Variants in GSTA1 observed in about 807,000 individuals in gnomAD.
The protein encoded by GSTA1 is glutathione S-transferase alpha 1.
In GSTA1, 23 loss-of-function variants were observed where a neutral mutation model predicts 21.5. The observed-to-expected ratio is 1.07, with a 90% CI of 0.77 to 1.52. The LOEUF (loss-of-function observed/expected upper bound fraction) is 1.52, where lower values mean the gene tolerates loss of function less well. Ranked by LOEUF, GSTA1 falls within the 40% of genes most tolerant of loss-of-function variation. The pLI is 0.00. For synonymous variants in GSTA1, 125 were observed against 90.0 expected, an observed-to-expected ratio of 1.39 and a Z score of -2.20; for missense variants, 301 against 264.2, an observed-to-expected ratio of 1.14 and a Z score of -0.96.
chr6:52,794,746 T>C (rs1167269903), intron 4 of GSTA1, among the ~76,000 whole-genome samples: 1 of 152,204 alleles, frequency 6.6e-6, no homozygotes, highest in African/African-American at 2.4e-5. Context: ...CTATGCCCCA[T>C]ATTTGCAGTT....
In GSTA1 at chr6:52,791,548, T is replaced by G. The variant is rs750270117; in HGVS notation, c.*310A>C. On this transcript the variant is annotated 3_prime_UTR_variant, in exon 7 of 7. Transcript: ENST00000334575. ...AATAGATTGTATGACAAATTGTATG[T>G]TACGGGACAATTCTTGGAAAAGTCA... 27 of 301,072 alleles carry G rather than the reference T, an allele frequency of 9.0e-5. No individual in the cohort carries two copies. The highest frequency in any genetic ancestry group is 4.9e-4 in the Admixed American group (10 of 20,454). 18.7% of individuals were successfully genotyped at this position (301,072 alleles called of 1,614,324 possible).
chr6:52,800,523 C>T (rs545602922), intron 1 of GSTA1, among the ~76,000 whole-genome samples: 2 of 152,324 alleles, frequency 1.3e-5, no homozygotes, highest in Admixed American at 1.3e-4. Context: ...GATGTTTGCA[C>T]GTGTGCATGC....
rs752735714 is a variant in GSTA1 at position 52,796,184 on chromosome 6, G to A, written c.270C>T (p.Ala90=). 3 of 1,613,062 alleles carry A rather than the reference G, an allele frequency of 1.9e-6. No individual in the cohort carries two copies. Among genetic ancestry groups the A allele is most frequent in the African/African-American group, 2.7e-5 (2 of 74,780 alleles). Residue 90 remains alanine, a splice_region_variant and synonymous_variant, in exon 4 of 7, where the codon GCC becomes GCT. Coordinates refer to ENST00000334575, the MANE Select transcript of GSTA1 (RefSeq NM_145740.5). ...GAAGAACAGAAAATATACCGTACAG[G>A]GCTCTCTCCTTTATGTCTTTCCCAT... The part of the protein sequence containing the change: ...NLYGKDIKER[A]LIDMYIEGIA...
At position 52,792,868 on chromosome 6, in the gene GSTA1, G is replaced by A. The variant is rs768617857; in HGVS notation, c.534C>T (p.Phe178=). 11 of 1,613,866 alleles carry A rather than the reference G, an allele frequency of 6.8e-6. No individual in the cohort carries two copies. The Admixed American group carries it at 1.8e-4, about 27-fold the overall frequency. The change falls in exon 6 of 7, where the codon TTC becomes TTT. Residue 178 remains phenylalanine, a synonymous_variant. Transcript: ENST00000334575. Reference sequence around the variant, plus strand: ...TGAAATGGGTCACCTTCAGCAGAGGGAAGCTGGAGATAAGACTGGAGTCAA... The same window carrying A: ...TGAAATGGGTCACCTTCAGCAGAGGAAAGCTGGAGATAAGACTGGAGTCAA... ...EELDSSLISS[F]PLLKALKTRI...
chr6:52,799,511 C>T (rs755967054), intron 1 of GSTA1, among the ~76,000 whole-genome samples: 1 of 152,094 alleles, frequency 6.6e-6, no homozygotes, highest in Non-Finnish European at 1.5e-5. Context: ...TCTTCATTGG[C>T]TAACTGTGAC....
intron 6 of GSTA1, among the ~76,000 whole-genome samples, chr6:52,792,224 A>T (rs1302732879): frequency 6.6e-6 from 1 of 152,178 alleles, no homozygotes; most frequent in Non-Finnish European, 1.5e-5. Context: ...CTTTCTCCTT[A>T]CACACTAATC....
At chr6:52,800,726 A>T (rs1763696465) in intron 1 of GSTA1, among the ~76,000 whole-genome samples, 1 of 152,192 alleles carries the variant, frequency 6.6e-6, no homozygotes, top group Non-Finnish European at 1.5e-5. Context: ...GGACTCATTG[A>T]AAGCAGGAGT....
At chr6:52,798,128 C>T (rs6423288) in intron 2 of GSTA1, among the ~76,000 whole-genome samples, 148,352 of 152,328 alleles carry the variant, frequency 0.97, 72,352 homozygotes, top group East Asian at 1. Context: ...TGAAATAGGT[C>T]GCCACTGTTG....
intron 5 of GSTA1, among the ~76,000 whole-genome samples, 166 bp downstream of exon 5, chr6:52,793,959 G>T (rs763750873): frequency 6.6e-6 from 1 of 152,152 alleles, no homozygotes; most frequent in East Asian, 1.9e-4. Flanking sequence ...TGATACAATT[G>T]TTTCTCCAAG....
chr6:52,795,912 C>T (rs1430055627), intron 4 of GSTA1, among the ~76,000 whole-genome samples: 1 of 152,194 alleles, frequency 6.6e-6, no homozygotes, highest in Non-Finnish European at 1.5e-5. Context: ...CCCCATCCTC[C>T]TCAGTTCATG....
At chr6:52,801,044 G>T (rs1356290310) in intron 1 of GSTA1, among the ~76,000 whole-genome samples, 1 of 152,044 alleles carries the variant, frequency 6.6e-6, no homozygotes, top group East Asian at 1.9e-4. Context: ...ACCACACCCG[G>T]ATAATTTTGT....
chr6:52,794,059 C>G (rs1763518367), intron 5 of GSTA1, 66 bp downstream of exon 5: 2 of 1,599,064 alleles, frequency 1.3e-6, no homozygotes, highest in South Asian at 1.1e-5. Flanking sequence ...CCCAGGAATG[C>G]CCAGCCACTA....
chr6:52,793,279 C>G (rs1478696406), intron 5 of GSTA1, among the ~76,000 whole-genome samples: 1 of 152,144 alleles, frequency 6.6e-6, no homozygotes, highest in South Asian at 2.1e-4. Flanking sequence ...GGGCTTAGCA[C>G]CTGCCTCCAT....
chr6:52,796,340 A>G, intron 3 of GSTA1, 26 bp from the exon 4 acceptor site: 3 of 1,613,570 alleles, frequency 1.9e-6, no homozygotes, highest in Non-Finnish European at 2.5e-6. Flanking sequence ...AAAAAAGGAG[A>G]GTGAAGTGTC....
intron 6 of GSTA1, among the ~76,000 whole-genome samples, chr6:52,792,436 T>A (rs1581791779): frequency 6.6e-6 from 1 of 152,116 alleles, no homozygotes; most frequent in Admixed American, 6.5e-5. Flanking sequence ...TCTGGAGAGC[T>A]GTGCAGAGAG....
In GSTA1 at chr6:52,796,263, T is replaced by C; in HGVS notation, c.191A>G (p.Lys64Arg). ...GAGAATGGCTCTGGTCTGCACCAGC[T>C]TCATCCCATCAATCTCAACCATTGG... ...QVPMVEIDGM[K>R]LVQTRAILNY... Residue 64 changes from lysine (K) to arginine (R), a missense_variant, in exon 4 of 7, where the codon AAG (lysine) becomes AGG (arginine). Physicochemically the swap from Lys to Arg is conservative, Grantham distance 26 (BLOSUM62 2). Coordinates refer to ENST00000334575, the MANE Select transcript of GSTA1 (RefSeq NM_145740.5). 6.2e-7 allele frequency: 1 copy of C among 1,613,740 alleles called. No homozygotes were observed. The highest frequency in any genetic ancestry group is 8.5e-7 in the Non-Finnish European group (1 of 1,179,962).
intron 1 of GSTA1, among the ~76,000 whole-genome samples, chr6:52,801,002 C>A (rs1199849416): frequency 6.6e-6 from 1 of 152,168 alleles, no homozygotes; most frequent in African/African-American, 2.4e-5. Flanking sequence ...CTCCCTCAGC[C>A]TCCTGAGTAG....
intron 5 of GSTA1, 79 bp from the exon 6 acceptor site, chr6:52,793,066 C>A: frequency 6.2e-7 from 1 of 1,600,444 alleles, no homozygotes; most frequent in Non-Finnish European, 8.6e-7. Context: ...GCCTCTCCAC[C>A]CTGACTTTCC....
In GSTA1 at chr6:52,792,896, T is replaced by A; in HGVS notation, c.506A>T (p.Glu169Val). 6.2e-7 allele frequency: 1 copy of A among 1,613,976 alleles called. No homozygotes were observed. Among genetic ancestry groups the A allele is most frequent in the South Asian group, 1.1e-5 (1 of 91,072 alleles). Residue 169 changes from glutamate (E) to valine (V), a missense_variant, in exon 6 of 7, where the codon GAG (glutamate) becomes GTG (valine). Glu to Val is a moderately radical substitution (Grantham distance 121). Coordinates refer to ENST00000334575, the MANE Select transcript of GSTA1 (RefSeq NM_145740.5). ...GCTGGAGATAAGACTGGAGTCAAGC[T>A]CCTCGACGTAGTAGAGAAGTTCCAC... ...HLVELLYYVE[E>V]LDSSLISSFP...
Sources: gnomAD v4.1 joint callset for allele counts (sites outside exome capture counted in the v4.1 genomes callset) on GRCh38, gnomAD v4.1.1 for gene constraint, MANE v1.5 for transcripts, NCBI Gene and HGNC (gene_info 2026-07-23, HGNC 2026-07-21) for gene names.